PCDH15: variants seen among roughly 807,000 people sequenced by gnomAD.
The protein encoded by PCDH15 is protocadherin related 15, also known as protocadherin-15.
PCDH15 carries 129 observed loss-of-function variants against 178.5 expected under a neutral mutation model. The observed-to-expected ratio is 0.72, with a 90% CI of 0.63 to 0.84. The LOEUF (loss-of-function observed/expected upper bound fraction) is 0.84. Ranked by LOEUF, PCDH15 falls within the 40% of genes least tolerant of loss-of-function variation. The probability of loss-of-function intolerance (pLI) is 0.00; values close to 1 mark genes in which losing one functional copy is unlikely to be tolerated. For missense variants in PCDH15, 2,230 were observed against 2,099.9 expected, an observed-to-expected ratio of 1.06 and a Z score of -1.21; for synonymous variants, 800 against 732.0, an observed-to-expected ratio of 1.09 and a Z score of -1.50.
chr10:54,643,911 G>A (rs1319948431), intron 2 of PCDH15, among the ~76,000 whole-genome samples: 3 of 148,598 alleles, frequency 2.0e-5, no homozygotes, highest in African/African-American at 7.5e-5. Flanking sequence ...CTGGTGTGCT[G>A]CACCCATTAA....
intron 2 of PCDH15, among the ~76,000 whole-genome samples, chr10:55,434,528 A>C (rs944926372): frequency 3.3e-5 from 5 of 152,148 alleles, no homozygotes; most frequent in African/African-American, 1.2e-4. Flanking sequence ...AGATTTACTT[A>C]TCCACAGACA....
At chr10:54,712,200 A>G (rs1256339268) in intron 1 of PCDH15, among the ~76,000 whole-genome samples, 2 of 152,034 alleles carry the variant, frequency 1.3e-5, no homozygotes, top group East Asian at 3.9e-4. Flanking sequence ...AGGGAGAGAC[A>G]AAGAAAATCT....
intron 18 of PCDH15, among the ~76,000 whole-genome samples, chr10:54,038,985 C>G (rs2093480258): frequency 6.6e-6 from 1 of 151,860 alleles, no homozygotes; most frequent in African/African-American, 2.4e-5. Context: ...CCCCTGTGCC[C>G]AGAGACGTAA....
At chr10:55,483,319 A>G (rs1840224231) in intron 2 of PCDH15, among the ~76,000 whole-genome samples, 1 of 151,842 alleles carries the variant, frequency 6.6e-6, no homozygotes, top group Non-Finnish European at 1.5e-5. Context: ...AAGTACATAA[A>G]CAGACTCTTC....
chr10:54,695,325 A>G (rs1328850932), intron 1 of PCDH15, among the ~76,000 whole-genome samples: 1 of 152,160 alleles, frequency 6.6e-6, no homozygotes, highest in Admixed American at 6.6e-5. Context: ...AATCCAGAAC[A>G]AGGCCTTAAC....
At chr10:54,165,816 G>T (rs997370998) in intron 13 of PCDH15, among the ~76,000 whole-genome samples, 1 of 152,038 alleles carries the variant, frequency 6.6e-6, no homozygotes, top group Non-Finnish European at 1.5e-5. Context: ...CATTTATTCA[G>T]ACCTTAATTT....
intron 3 of PCDH15, among the ~76,000 whole-genome samples, chr10:54,820,391 T>C (rs982681173): frequency 2.0e-5 from 3 of 152,146 alleles, no homozygotes; most frequent in Admixed American, 6.6e-5. Context: ...TTTAGTCTTG[T>C]AGGATGCAAG....
intron 2 of PCDH15, among the ~76,000 whole-genome samples, chr10:55,500,131 A>G (rs1381190645): frequency 6.6e-6 from 1 of 151,528 alleles, no homozygotes; most frequent in Admixed American, 6.6e-5. Context: ...AAAGTTGAAT[A>G]TAGTTTAATA....
At position 55,088,274 on chromosome 10, in the gene PCDH15, G is replaced by GT. The variant is rs58206751; in HGVS notation, c.-80+78301dup. Among the ~76,000 whole-genome samples, 1,286 of 143,842 alleles carry GT rather than the reference G, an allele frequency of 8.9e-3. 9 individuals carry two copies. The highest frequency in any genetic ancestry group is 0.022 in the South Asian group (99 of 4,562). The allele number at this position is 143,842 out of a possible 152,430, so 94.4% of individuals were successfully genotyped here. A position where few individuals can be genotyped will look rare whatever the true frequency, so the allele number is the denominator to read the frequency against. ...ATTAATAACACTACTATGGAAGCATGTTTTTTTTTTTTGAGACAGAGTCTT... is the reference window on the plus strand; with the variant it reads ...ATTAATAACACTACTATGGAAGCATGTTTTTTTTTTTTTGAGACAGAGTCTT... On this transcript the variant is annotated intron_variant, in intron 2 of 5. Transcript: ENST00000458638.
chr10:53,855,537 T>C (rs1288701376), intron 28 of PCDH15, among the ~76,000 whole-genome samples: 2 of 152,034 alleles, frequency 1.3e-5, no homozygotes, highest in East Asian at 1.9e-4. Context: ...TATCCTGAAA[T>C]AATTGTTATG....
At chr10:54,453,808 T>G (rs1016131775) in intron 3 of PCDH15, among the ~76,000 whole-genome samples, 3 of 152,004 alleles carry the variant, frequency 2.0e-5, no homozygotes, top group African/African-American at 7.2e-5. Context: ...CTCAGAATAC[T>G]GGAAGAGGCA....
At chr10:54,018,805 G>T (rs2092821468) in intron 20 of PCDH15, among the ~76,000 whole-genome samples, 1 of 151,548 alleles carries the variant, frequency 6.6e-6, no homozygotes, top group Non-Finnish European at 1.5e-5. Flanking sequence ...TAAGCCCATA[G>T]ATTTCATTGT....
At chr10:54,079,175 A>G (rs1419630461) in intron 17 of PCDH15, among the ~76,000 whole-genome samples, 156 bp downstream of exon 17, 14 of 152,234 alleles carry the variant, frequency 9.2e-5, no homozygotes, top group Non-Finnish European at 1.5e-4. Flanking sequence ...AGGTGCATGT[A>G]TTAATAGCCT....
intron 1 of PCDH15, among the ~76,000 whole-genome samples, chr10:54,775,916 T>C (rs1052192934): frequency 1.3e-5 from 2 of 151,952 alleles, no homozygotes; most frequent in South Asian, 2.1e-4. Context: ...AAAAAACAAA[T>C]ATCTCCACAT....
intron 1 of PCDH15, among the ~76,000 whole-genome samples, chr10:54,776,812 T>C (rs997994042): frequency 6.6e-6 from 1 of 152,088 alleles, no homozygotes; most frequent in African/African-American, 2.4e-5. Flanking sequence ...GTATGTGACG[T>C]CACCACACGG....
chr10:54,336,829 A>G (rs369392086), intron 6 of PCDH15, among the ~76,000 whole-genome samples: 1 of 152,136 alleles, frequency 6.6e-6, no homozygotes, highest in East Asian at 1.9e-4. Context: ...GAACCCAGAA[A>G]GTAGATTTAC....
intron 2 of PCDH15, among the ~76,000 whole-genome samples, chr10:55,622,816 C>T (rs1182540351): frequency 6.6e-6 from 1 of 152,192 alleles, no homozygotes; most frequent in Non-Finnish European, 1.5e-5. Context: ...CCTCTCCCCA[C>T]TCCCACTCCT....
chr10:54,066,735 T>C lies in PCDH15; in HGVS notation c.2220+22A>G, dbSNP rs368339296. 8.7e-6 allele frequency: 14 copies of C among 1,608,278 alleles called. 1 individual carries two copies. The highest frequency in any genetic ancestry group is 1.2e-5 in the Non-Finnish European group (14 of 1,175,416). On this transcript the variant is annotated intron_variant, in intron 18 of 37. Coordinates refer to ENST00000644397, the MANE Select transcript of PCDH15 (RefSeq NM_001384140.1). Reference sequence around the variant, plus strand: ...ACTCTTTGAAAAACTACATATAAGATCTATATAAATATTCCACTTACTTTT... The same window carrying C: ...ACTCTTTGAAAAACTACATATAAGACCTATATAAATATTCCACTTACTTTT...
At chr10:54,041,083 G>A (rs968574115) in intron 18 of PCDH15, among the ~76,000 whole-genome samples, 2 of 151,922 alleles carry the variant, frequency 1.3e-5, no homozygotes, top group Non-Finnish European at 2.9e-5. Flanking sequence ...AATTAAGAAA[G>A]AAGAAAGAAA....
Sources: allele counts gnomAD v4.1 joint callset (sites outside exome capture counted in the v4.1 genomes callset), GRCh38; gene constraint gnomAD v4.1.1; transcripts MANE v1.5; gene names NCBI Gene and HGNC (gene_info 2026-07-23, HGNC 2026-07-21).